Variants in KLHL32 observed in about 807,000 individuals in gnomAD.
KLHL32 encodes the protein kelch like family member 32, also known as kelch-like protein 32.
In KLHL32, 35 loss-of-function variants were observed where a neutral mutation model predicts 64.8. The observed-to-expected ratio is 0.54, with a 90% CI of 0.41 to 0.72. The LOEUF (loss-of-function observed/expected upper bound fraction) is 0.72, where lower values mean the gene tolerates loss of function less well. KLHL32 is among the 30% of genes least tolerant of loss of function. KLHL32 has a pLI of 0.00. For synonymous variants in KLHL32, 259 were observed against 281.0 expected (o/e 0.92, Z 0.78); for missense variants, 589 against 768.5 (o/e 0.77, Z 2.76).
chr6:96,954,312 AT>A (rs71012579), intron 1 of KLHL32, among the ~76,000 whole-genome samples: 18,219 of 89,570 alleles, frequency 0.2, 957 homozygotes, highest in African/African-American at 0.26. Flanking sequence ...CTTTCCTTCA[AT>A]TTTTTTTTTT....
intron 3 of KLHL32, among the ~76,000 whole-genome samples, chr6:97,033,315 G>A (rs190611428): frequency 4.8e-4 from 73 of 152,224 alleles, no homozygotes; most frequent in African/African-American, 1.7e-3. Context: ...TTAGCATAAT[G>A]TCGTCCAAGT....
At chr6:96,916,969 T>A in the KLHL32 span, among the ~76,000 whole-genome samples, 3 of 152,212 alleles carry the variant, frequency 2.0e-5, no homozygotes, top group Admixed American at 6.5e-5. Flanking sequence ...AATAAACTAC[T>A]GTAATAGGAA....
intron 4 of KLHL32, among the ~76,000 whole-genome samples, chr6:97,049,402 A>G (rs1680089082): frequency 1.3e-5 from 2 of 152,298 alleles, no homozygotes; most frequent in South Asian, 4.1e-4. Flanking sequence ...TGCTGAACAA[A>G]GGAATGATTC....
intron 1 of KLHL32, among the ~76,000 whole-genome samples, chr6:96,958,053 A>G (rs1322552003): frequency 6.6e-6 from 1 of 152,222 alleles, no homozygotes; most frequent in African/African-American, 2.4e-5. Flanking sequence ...GATCCTGCCC[A>G]TATAGACAGG....
At chr6:96,926,265 T>G (rs1361155175) in intron 1 of KLHL32, among the ~76,000 whole-genome samples, 1 of 152,238 alleles carries the variant, frequency 6.6e-6, no homozygotes, top group Non-Finnish European at 1.5e-5. Context: ...ATAAGTCAAA[T>G]TCTTCTAATT....
chr6:97,049,493 C>T (rs1490107179), intron 4 of KLHL32, among the ~76,000 whole-genome samples: 1 of 141,280 alleles, frequency 7.1e-6, no homozygotes, highest in Non-Finnish European at 1.5e-5. Context: ...ACTCATGAAT[C>T]GTTTATTTCT....
intron 3 of KLHL32, among the ~76,000 whole-genome samples, chr6:96,983,139 A>G (rs1487676362): frequency 6.6e-6 from 1 of 152,258 alleles, no homozygotes; most frequent in Non-Finnish European, 1.5e-5. Flanking sequence ...TGAGATAATC[A>G]TGTGGTTTTT....
At chr6:96,962,656 A>G (rs761284444) in intron 1 of KLHL32, among the ~76,000 whole-genome samples, 5 of 152,248 alleles carry the variant, frequency 3.3e-5, no homozygotes, top group African/African-American at 4.8e-5. Flanking sequence ...TTTGTATTCT[A>G]TAATAAAAGA....
intron 3 of KLHL32, among the ~76,000 whole-genome samples, chr6:97,022,736 C>T (rs906636476): frequency 6.6e-6 from 1 of 152,186 alleles, no homozygotes; most frequent in African/African-American, 2.4e-5. Flanking sequence ...TCCCAAAGTG[C>T]TGGGATTATA....
intron 1 of KLHL32, among the ~76,000 whole-genome samples, chr6:96,950,567 C>T (rs1447714374): frequency 6.6e-6 from 1 of 151,442 alleles, no homozygotes; most frequent in Non-Finnish European, 1.5e-5. Flanking sequence ...ACATGCATTC[C>T]TGGTGTATGG....
At position 97,083,083 on chromosome 6, in the gene KLHL32, T is replaced by G. The variant is rs544111081; in HGVS notation, c.412-2043T>G. On this transcript the variant is annotated intron_variant, in intron 5 of 10. Transcript: ENST00000369261. ...CTTTATGCCAACCCTATGAGCTTGT[T>G]GAGCTCTTAAATTTGTACTTGGGGA... Among the ~76,000 whole-genome samples the G allele has an allele frequency of 5.9e-5, 9 of 152,282 alleles. No homozygotes were observed. In the East Asian group the frequency reaches 1.5e-3, roughly 26 times the overall value.
intron 7 of KLHL32, among the ~76,000 whole-genome samples, chr6:97,126,200 A>G (rs534321145): frequency 6.6e-6 from 1 of 152,172 alleles, no homozygotes; most frequent in Non-Finnish European, 1.5e-5. Context: ...TTAAAATAAG[A>G]ATATTATTCA....
At chr6:96,937,645 C>A (rs1433108241) in intron 1 of KLHL32, among the ~76,000 whole-genome samples, 1 of 152,140 alleles carries the variant, frequency 6.6e-6, no homozygotes, top group Non-Finnish European at 1.5e-5. Context: ...AGCATGGAAT[C>A]AATGTGTACT....
intron 7 of KLHL32, among the ~76,000 whole-genome samples, chr6:97,125,613 C>T (rs1798785166): frequency 6.6e-6 from 1 of 152,088 alleles, no homozygotes; most frequent in Non-Finnish European, 1.5e-5. Flanking sequence ...TGTACCCATG[C>T]AGTTATTTCT....
intron 3 of KLHL32, among the ~76,000 whole-genome samples, chr6:97,001,085 A>G (rs1247585364): frequency 6.6e-6 from 1 of 152,232 alleles, no homozygotes; most frequent in Non-Finnish European, 1.5e-5. Context: ...ACTATTCTAT[A>G]TGATACTGTA....
chr6:97,066,215 T>C (rs576829289), intron 5 of KLHL32, among the ~76,000 whole-genome samples: 2 of 152,354 alleles, frequency 1.3e-5, no homozygotes, highest in East Asian at 1.9e-4. Context: ...ACTTTCCCCA[T>C]GGCAGATAGT....
chr6:96,943,567 G>A (rs537114011), intron 1 of KLHL32, among the ~76,000 whole-genome samples: 2 of 152,304 alleles, frequency 1.3e-5, no homozygotes, highest in Non-Finnish European at 2.9e-5. Context: ...CAGAAGCCCA[G>A]GGAAACAAAC....
chr6:96,933,343 T>A (rs1050610816), intron 1 of KLHL32, among the ~76,000 whole-genome samples: 20 of 152,162 alleles, frequency 1.3e-4, no homozygotes, highest in African/African-American at 4.3e-4. Context: ...TGCTTCAGAA[T>A]TCCGTTGCCA....
intron 1 of KLHL32, among the ~76,000 whole-genome samples, chr6:96,955,380 T>G (rs1773131293): frequency 6.6e-6 from 1 of 152,252 alleles, no homozygotes; most frequent in African/African-American, 2.4e-5. Flanking sequence ...TGTTCTGTTC[T>G]CTATCTTCAA....
Sources: allele counts gnomAD v4.1 joint callset (sites outside exome capture counted in the v4.1 genomes callset), GRCh38; gene constraint gnomAD v4.1.1; transcripts MANE v1.5; gene names NCBI Gene and HGNC (gene_info 2026-07-23, HGNC 2026-07-21).